The following HSBP1L1 variants were observed in gnomAD, a reference collection of about 807,000 sequenced individuals.
HSBP1L1 encodes heat shock factor binding protein 1 like 1.
HSBP1L1 carries 8 observed loss-of-function variants against 9.7 expected under a neutral mutation model. The ratio of observed to expected loss-of-function variants is 0.82; its 90% CI spans 0.48 to 1.48. The LOEUF (loss-of-function observed/expected upper bound fraction) is 1.48, where lower values mean the gene tolerates loss of function less well. Among genes scored for constraint, HSBP1L1 ranks in the 40% most tolerant of loss-of-function variants. The pLI is 0.00. For missense variants in HSBP1L1, 106 were observed against 95.8 expected, an observed-to-expected ratio of 1.11 and a Z score of -0.44; for synonymous variants, 39 against 34.4, an observed-to-expected ratio of 1.13 and a Z score of -0.46.
At chr18:79,965,930 T>A (rs1428475906) in intron 1 of HSBP1L1, among the ~76,000 whole-genome samples, 1 of 151,464 alleles carries the variant, frequency 6.6e-6, no homozygotes, top group African/African-American at 2.4e-5. Flanking sequence ...TGATATTTAT[T>A]TTTTTTATTT....
intron 1 of HSBP1L1, 45 bp downstream of exon 1, chr18:79,964,831 C>G: frequency 8.6e-7 from 1 of 1,156,184 alleles, no homozygotes; most frequent in Non-Finnish European, 1.1e-6. Flanking sequence ...TGGGGGCGCC[C>G]CTGCGGTTCT....
chr18:79,969,343 G>GAAAAGAAAGA (rs1335922816), intron 3 of HSBP1L1, among the ~76,000 whole-genome samples: 1 of 26,818 alleles, frequency 3.7e-5, no homozygotes, highest in Non-Finnish European at 9.5e-5. Flanking sequence ...AAGAAAGAAA[G>GAAAAGAAAGA]AAAGAAAGAA....
intron 3 of HSBP1L1, among the ~76,000 whole-genome samples, chr18:79,969,397 A>AG (rs1262857149): frequency 3.4e-5 from 5 of 149,024 alleles, no homozygotes; most frequent in African/African-American, 9.9e-5. Flanking sequence ...GAAAGAAAAA[A>AG]AAACGATGCA....
chr18:79,969,199 G>GGAAAGAAA (rs199951699), intron 3 of HSBP1L1, among the ~76,000 whole-genome samples: 4 of 82,096 alleles, frequency 4.9e-5, no homozygotes, highest in Admixed American at 2.9e-4. Flanking sequence ...AGAAAAGAAA[G>GGAAAGAAA]GAAAGAAAGA....
At chr18:79,969,294 G>GA (rs1568356469) in intron 3 of HSBP1L1, among the ~76,000 whole-genome samples, 256 of 24,776 alleles carry the variant, frequency 0.01, 3 homozygotes, top group Non-Finnish European at 0.019. Flanking sequence ...GAGGGAGGGA[G>GA]GGAGAGAGAG....
chr18:79,968,132 C>T lies in HSBP1L1; in HGVS notation c.162C>T (p.Val54=), dbSNP rs778972930. The part of the protein sequence containing the change: ...GNRIEDLQKN[V]KDLMVQAGIE... The stretch of plus-strand genomic sequence containing the variant: ...GCATTGAGGACTTACAGAAGAATGT[C>T]AAGGACTTAATGGTGCAAGCTGGCA... Residue 54 remains valine, a synonymous_variant, in exon 3 of 4, where the codon GTC becomes GTT. Coordinates refer to ENST00000451882, the MANE Select transcript of HSBP1L1 (RefSeq NM_001136180.2). 2.1e-5 allele frequency: 32 copies of T among 1,550,180 alleles called. No homozygotes were observed. The highest frequency in any genetic ancestry group is 2.6e-5 in the Non-Finnish European group (30 of 1,145,720).
chr18:79,969,357 AAG>A lies in HSBP1L1; in HGVS notation c.214-1081_214-1080del, dbSNP rs1198328664. 7.1e-4 allele frequency among the ~76,000 whole-genome samples: 33 copies of A among 46,782 alleles called. 1 individual carries two copies. Among genetic ancestry groups the A allele is most frequent in the South Asian group, 5.1e-3 (4 of 788 alleles). The allele number at this position is 46,782 out of a possible 152,430, so 30.7% of individuals were successfully genotyped here. On this transcript the variant is annotated intron_variant, in intron 3 of 3. Transcript: ENST00000451882. ...AAAGAAAGAAAGAAAGAAAGAAAGAAAGAAAGAAAGAAAGAAAGAAAGAAAGA... is the reference window on the plus strand; with the variant it reads ...AAAGAAAGAAAGAAAGAAAGAAAGAAAAAGAAAGAAAGAAAGAAAGAAAGA...
At chr18:79,969,267 G>T in intron 3 of HSBP1L1, among the ~76,000 whole-genome samples, 1 of 18,834 alleles carries the variant, frequency 5.3e-5, no homozygotes, top group Non-Finnish European at 1.2e-4. Context: ...AGAGAGGGAG[G>T]GAGGGAGGGA....
chr18:79,966,914 C>G, intron 2 of HSBP1L1: 1 of 381,794 alleles, frequency 2.6e-6, no homozygotes, highest in South Asian at 2.7e-5. Context: ...TTTGGGAGGC[C>G]GAGGTGGGCA....
rs561416291 is a variant in HSBP1L1, at chr18:79,966,568, A to T, written c.52-44A>T. Reference sequence around the variant, plus strand: ...AGAAAAAAAAAAAAACTCATATGCCAACAGTAAATATTTATTCAATTGTCT... The same window carrying T: ...AGAAAAAAAAAAAAACTCATATGCCTACAGTAAATATTTATTCAATTGTCT... On this transcript the variant is annotated intron_variant, in intron 1 of 3. Coordinates refer to ENST00000451882, the MANE Select transcript of HSBP1L1 (RefSeq NM_001136180.2). 5.7e-6 allele frequency: 8 copies of T among 1,403,024 alleles called. No individual in the cohort carries two copies. In the East Asian group the frequency reaches 2.0e-4, roughly 35 times the overall value. 86.9% of individuals were successfully genotyped at this position (1,403,024 alleles called of 1,614,324 possible).
chr18:79,969,104 C>A (rs1406199550), intron 3 of HSBP1L1, among the ~76,000 whole-genome samples: 4 of 149,508 alleles, frequency 2.7e-5, no homozygotes, highest in African/African-American at 9.9e-5. Context: ...CGGGAGAATG[C>A]CGTGAACCCG....
At chr18:79,967,408 A>G (rs1165113888) in intron 2 of HSBP1L1, 1 of 152,188 alleles carries the variant, frequency 6.6e-6, no homozygotes, top group Non-Finnish European at 1.5e-5. Flanking sequence ...GAAACATGAA[A>G]TCAAACAGAA....
intron 3 of HSBP1L1, among the ~76,000 whole-genome samples, chr18:79,969,400 A>AAAAAAC (rs201355227): frequency 6.8e-6 from 1 of 147,886 alleles, no homozygotes; most frequent in African/African-American, 2.6e-5. Context: ...AGAAAAAAAA[A>AAAAAAC]CGATGCAGAA....
In HSBP1L1 at chr18:79,970,620, A is replaced by G; in HGVS notation, c.*169A>G. On this transcript the variant is annotated 3_prime_UTR_variant, in exon 4 of 4. Coordinates refer to ENST00000451882, the MANE Select transcript of HSBP1L1 (RefSeq NM_001136180.2). The stretch of plus-strand genomic sequence containing the variant: ...GCACCAGAGAAGGAGGCCATCGGCA[A>G]GCCAAGGAGAGCCCTCCCCAGAAAT... 1.6e-6 allele frequency: 1 copy of G among 607,538 alleles called. No individual in the cohort carries two copies. The highest frequency in any genetic ancestry group is 1.9e-5 in the South Asian group (1 of 51,980). 37.6% of individuals were successfully genotyped at this position (607,538 alleles called of 1,614,324 possible).
At chr18:79,969,636 C>T (rs111793737) in intron 3 of HSBP1L1, among the ~76,000 whole-genome samples, 2,627 of 152,258 alleles carry the variant, frequency 0.017, 92 homozygotes, top group African/African-American at 0.059. Flanking sequence ...GGCAGTCTTC[C>T]CCCAGACACC....
At position 79,966,873 on chromosome 18, in the gene HSBP1L1, G is replaced by A. The variant is rs563320991; in HGVS notation, c.118+195G>A. The stretch of plus-strand genomic sequence containing the variant: ...TAGCAAAAGCTGTACCTCCGGCCGG[G>A]TGCAGTGGCTCACGCCTGTAATCCC... On this transcript the variant is annotated intron_variant, in intron 2 of 3. Transcript: ENST00000451882. 1.4e-5 allele frequency: 7 copies of A among 514,058 alleles called. No homozygotes were observed. In the East Asian group the frequency reaches 2.4e-4, roughly 18 times the overall value. The allele number at this position is 514,058 out of a possible 1,614,324, so 31.8% of individuals were successfully genotyped here. A position where few individuals can be genotyped will look rare whatever the true frequency, so the allele number is the denominator to read the frequency against.
Position 79,968,175 on chromosome 18 carries a change from G to C in HSBP1L1, c.205G>C (p.Glu69Gln), listed in dbSNP as rs575340772. 26 of 1,534,462 alleles carry C rather than the reference G, an allele frequency of 1.7e-5. No homozygotes were observed. Among genetic ancestry groups the C allele is most frequent in the Middle Eastern group, 1.7e-4 (1 of 5,960 alleles). Residue 69 changes from glutamate (E) to glutamine (Q), a missense_variant, in exon 3 of 4, where the codon GAA becomes CAA. Glu to Gln is a conservative substitution (Grantham distance 29). Transcript: ENST00000451882. ...AGCTGGCATTGAAAATTCTATTAAA[G>C]AACAAATGGTAAGGTTATTAGCAAA... ...VQAGIENSIK[E>Q]QMLKT is the part of the protein sequence containing the mutation.
At chr18:79,969,367 G>GAA (rs1194866237) in intron 3 of HSBP1L1, among the ~76,000 whole-genome samples, 1 of 49,148 alleles carries the variant, frequency 2.0e-5, no homozygotes, top group Non-Finnish European at 5.1e-5. Context: ...AAGAAAGAAA[G>GAA]AAAGAAAGAA....
At chr18:79,969,448 A>T (rs2145038273) in intron 3 of HSBP1L1, among the ~76,000 whole-genome samples, 1 of 152,288 alleles carries the variant, frequency 6.6e-6, no homozygotes, top group South Asian at 2.1e-4. Flanking sequence ...ACCTGTGCCC[A>T]CGCGGATGCT....
Sources: allele counts gnomAD v4.1 joint callset (sites outside exome capture counted in the v4.1 genomes callset), GRCh38; gene constraint gnomAD v4.1.1; transcripts MANE v1.5; gene names NCBI Gene and HGNC (gene_info 2026-07-23, HGNC 2026-07-21).